Variants in ABCA4 observed in about 807,000 individuals in gnomAD.
The protein encoded by ABCA4 is ATP binding cassette subfamily A member 4, also known as retinal-specific phospholipid-transporting ATPase ABCA4.
Under a neutral mutation model 263.7 loss-of-function variants are expected in ABCA4, and 196 were observed. That is an observed-to-expected ratio of 0.74 (90% confidence interval 0.66 to 0.84). The LOEUF is 0.84. ABCA4 is among the 40% of genes least tolerant of loss of function. The pLI is 0.00. For synonymous variants in ABCA4, 1,133 were observed against 1,094.2 expected, an observed-to-expected ratio of 1.04 and a Z score of -0.70; for missense variants, 2,792 against 2,855.1, an observed-to-expected ratio of 0.98 and a Z score of 0.50.
chr1:94,028,689 T>C (rs1404795091), intron 30 of ABCA4, among the ~76,000 whole-genome samples: 1 of 151,940 alleles, frequency 6.6e-6, no homozygotes, highest in Admixed American at 6.6e-5. Flanking sequence ...GGTAGATCAC[T>C]TGAGGCCAGG....
chr1:94,008,448 T>G, intron 41 of ABCA4, 151 bp from the exon 42 acceptor site: 1 of 839,552 alleles, frequency 1.2e-6, no homozygotes, highest in Non-Finnish European at 2.0e-6. Flanking sequence ...GTGTGGTGAG[T>G]ACTGAGACAT....
chr1:94,060,104 T>G (rs1479212894), intron 14 of ABCA4, among the ~76,000 whole-genome samples: 1 of 152,250 alleles, frequency 6.6e-6, no homozygotes, highest in Non-Finnish European at 1.5e-5. Flanking sequence ...CCCCTACTGC[T>G]ACTGAAAAGG....
chr1:94,001,170 C>G (rs1292940044), intron 45 of ABCA4, 65 bp from the exon 46 acceptor site: 1 of 1,345,256 alleles, frequency 7.4e-7, no homozygotes, highest in African/African-American at 1.5e-5. Context: ...ACTGCTTCCC[C>G]CTGGGCTGGC....
chr1:94,116,978 C>CTT (rs1557812260), intron 1 of ABCA4, among the ~76,000 whole-genome samples: 1 of 95,950 alleles, frequency 1.0e-5, no homozygotes, highest in East Asian at 3.2e-4. Context: ...CTCTTTCTTT[C>CTT]TTTCTTTCTT....
chr1:94,030,207 A>G lies in ABCA4; in HGVS notation c.4352+221T>C, dbSNP rs150944235. Among the ~76,000 whole-genome samples, 301 of 152,308 alleles carry G rather than the reference A, an allele frequency of 2.0e-3. 1 individual carries two copies. The highest frequency in any genetic ancestry group is 6.9e-3 in the African/African-American group (288 of 41,562). ...TCAACATAGAACTTCTATGCTGAGA[A>G]ATATAGAGCTGTCCAGTGGTGTGGG... On this transcript the variant is annotated intron_variant, in intron 29 of 49. Coordinates refer to ENST00000370225, the MANE Select transcript of ABCA4 (RefSeq NM_000350.3).
rs1557808356 is a variant in ABCA4 at position 94,108,647 on chromosome 1, A to ACGGCCAAGGTGCTGGCTCT, written c.353_371dup (p.Ile125GlufsTer42). 6.2e-7 allele frequency: 1 copy of ACGGCCAAGGTGCTGGCTCT among 1,614,016 alleles called. No individual in the cohort carries two copies. The highest frequency in any genetic ancestry group is 8.5e-7 in the Non-Finnish European group (1 of 1,180,026). On this transcript the variant is annotated frameshift_variant, in exon 4 of 50. Transcript: ENST00000370225. LOFTEE classifies it high-confidence loss of function. ...ACAAGATGTGTAGCTCTGTCCAAAT[A>ACGGCCAAGGTGCTGGCTCT]CGGCCAAGGTGCTGGCTCTCTGGTG...
At chr1:94,054,549 T>C (rs1660920105) in intron 16 of ABCA4, among the ~76,000 whole-genome samples, 1 of 151,902 alleles carries the variant, frequency 6.6e-6, no homozygotes, top group African/African-American at 2.4e-5. Flanking sequence ...GGGAGAGAAA[T>C]GTGCTTCTGG....
At chr1:94,059,419 C>T (rs1346940992) in intron 14 of ABCA4, 1 of 152,182 alleles carries the variant, frequency 6.6e-6, no homozygotes, top group Non-Finnish European at 1.5e-5. Flanking sequence ...CAGAGCATAA[C>T]CAAGGCCACA....
chr1:94,060,462 A>G, intron 14 of ABCA4, 75 bp downstream of exon 14: 1 of 1,380,176 alleles, frequency 7.2e-7, no homozygotes, highest in South Asian at 1.2e-5. Flanking sequence ...TGACTAATCC[A>G]GGCACATGAA....
Position 94,010,915 on chromosome 1 carries a change from C to A in ABCA4, c.5599G>T (p.Ala1867Ser). ...VYARFGEEHS[A>S]NPFHWDLIGK... The stretch of plus-strand genomic sequence containing the variant: ...ATCAGGTCCCAGTGGAACGGATTTG[C>A]AGAGTGCTCCTCACCTGGGCATCAA... Residue 1867 changes from alanine (A) to serine (S), a missense_variant, in exon 40 of 50, where the codon GCA becomes TCA. Physicochemically the swap from Ala to Ser is moderately conservative, Grantham distance 99. Coordinates refer to ENST00000370225, the MANE Select transcript of ABCA4 (RefSeq NM_000350.3). 6.2e-7 allele frequency: 1 copy of A among 1,614,100 alleles called. No homozygotes were observed. The highest frequency in any genetic ancestry group is 8.5e-7 in the Non-Finnish European group (1 of 1,180,000).
At chr1:94,077,911 C>T (rs1480029760) in intron 10 of ABCA4, 24 bp from the exon 11 acceptor site, 2 of 1,600,034 alleles carry the variant, frequency 1.2e-6, no homozygotes, top group Admixed American at 3.3e-5. Context: ...AATACAGTCA[C>T]TGCTCTGCTT....
chr1:94,053,378 G>T (rs1016170229), intron 16 of ABCA4, among the ~76,000 whole-genome samples: 1 of 152,090 alleles, frequency 6.6e-6, no homozygotes, highest in African/African-American at 2.4e-5. Flanking sequence ...TAGGAGAATT[G>T]GTTGGTGCCA....
chr1:94,041,553 C>A, intron 22 of ABCA4, 151 bp from the exon 23 acceptor site: 1 of 771,998 alleles, frequency 1.3e-6, no homozygotes, highest in South Asian at 1.7e-5. Flanking sequence ...GCAGCAAATT[C>A]CAGCATATTA....
chr1:94,004,002 A>G (rs1201143000), intron 44 of ABCA4, among the ~76,000 whole-genome samples: 1 of 151,962 alleles, frequency 6.6e-6, no homozygotes, highest in East Asian at 1.9e-4. Context: ...TTCATTTTAT[A>G]CCTATGCCAT....
At position 94,030,454 on chromosome 1, in the gene ABCA4, G is replaced by T. The variant is rs762150575; in HGVS notation, c.4326C>A (p.Asn1442Lys). The change falls in exon 29 of 50, where the codon AAC becomes AAA. Residue 1442 changes from asparagine to lysine, a missense_variant. Asn to Lys is a moderately conservative substitution (Grantham distance 94, BLOSUM62 0). Transcript: ENST00000370225. ...GAAGCCACCCTTCCTTCAGGCAGCG[G>T]TTGCCAAAGCCTGGCTTATTCAGGA... ...DVLLNKPGFG[N>K]RCLKEGWLPE... The T allele has an allele frequency of 2.0e-5, 32 of 1,614,110 alleles. No individual in the cohort carries two copies. The highest frequency in any genetic ancestry group is 2.5e-5 in the Non-Finnish European group (30 of 1,180,042).
chr1:94,043,446 T>C lies in ABCA4; in HGVS notation c.3080A>G (p.Tyr1027Cys). Residue 1027 changes from tyrosine (Y) to cysteine (C), a missense_variant, in exon 21 of 50, where the codon TAT becomes TGT. Transcript: ENST00000370225. ...HLTVAEHMLF[Y>C]AQLKGKSQEE... ...CTGGGACTTTCCTTTCAGCTGGGCA[T>C]AGAACAGCATGTGCTCAGCCACCGT... is the stretch of plus-strand genomic sequence containing the variant. 1 of 1,614,186 alleles carries C rather than the reference T, an allele frequency of 6.2e-7. No individual in the cohort carries two copies.
chr1:94,041,777 T>C (rs908952446), intron 22 of ABCA4, among the ~76,000 whole-genome samples: 2 of 152,122 alleles, frequency 1.3e-5, no homozygotes, highest in Non-Finnish European at 2.9e-5. Flanking sequence ...ACGTGCATAC[T>C]CTCACTAACT....
Position 93,999,873 on chromosome 1 carries a change from C to G in ABCA4, c.6479+963G>C, listed in dbSNP as rs374658947. 1.8e-4 allele frequency among the ~76,000 whole-genome samples: 28 copies of G among 152,344 alleles called. 2 individuals carry two copies. The highest frequency in any genetic ancestry group is 1.0e-3 in the Admixed American group (16 of 15,300). ...AGTTGGACACAGGAAGTTGCTGACA[C>G]AGGTCTGGTGACCTGACATGCTGCT... On this transcript the variant is annotated intron_variant, in intron 47 of 49. Transcript: ENST00000370225.
At chr1:94,072,178 A>G (rs534937520) in intron 11 of ABCA4, among the ~76,000 whole-genome samples, 11 of 152,362 alleles carry the variant, frequency 7.2e-5, no homozygotes, top group South Asian at 2.1e-4. Context: ...TTGAGAATTC[A>G]TCAGCAAGAT....
Sources: allele counts gnomAD v4.1 joint callset (sites outside exome capture counted in the v4.1 genomes callset), GRCh38; gene constraint gnomAD v4.1.1; transcripts MANE v1.5; gene names NCBI Gene and HGNC (gene_info 2026-07-23, HGNC 2026-07-21).